PTAR1: variants seen among roughly 807,000 people sequenced by gnomAD.
The protein encoded by PTAR1 is protein prenyltransferase alpha subunit repeat-containing protein 1.
In PTAR1, 17 loss-of-function variants were observed where a neutral mutation model predicts 45.5. The observed-to-expected ratio is 0.37, with a 90% CI of 0.26 to 0.56. PTAR1 has a LOEUF of 0.56. Ranked by LOEUF, PTAR1 falls within the 20% of genes least tolerant of loss-of-function variation. The pLI is 0.77. For synonymous variants in PTAR1, 169 were observed against 171.3 expected (o/e 0.99, Z 0.11); for missense variants, 391 against 476.3 (o/e 0.82, Z 1.67).
chr9:69,739,877 T>C (rs943611446), intron 3 of PTAR1, among the ~76,000 whole-genome samples: 1 of 152,192 alleles, frequency 6.6e-6, no homozygotes, highest in African/African-American at 2.4e-5. Flanking sequence ...ATCATCTAAC[T>C]AGAACAATTT....
chr9:69,736,002 T>C (rs1386944904), intron 3 of PTAR1, among the ~76,000 whole-genome samples: 4 of 151,498 alleles, frequency 2.6e-5, no homozygotes, highest in Non-Finnish European at 4.4e-5. Context: ...GCTTTTGCAG[T>C]CTTGGATTAT....
chr9:69,721,262 T>A (rs1441620504), intron 6 of PTAR1, among the ~76,000 whole-genome samples: 1 of 152,136 alleles, frequency 6.6e-6, no homozygotes, highest in Admixed American at 6.6e-5. Context: ...AAGACTTCAG[T>A]GTAGTAAGTC....
intron 2 of PTAR1, among the ~76,000 whole-genome samples, chr9:69,742,418 G>A (rs931590347): frequency 6.6e-6 from 1 of 151,912 alleles, no homozygotes; most frequent in Non-Finnish European, 1.5e-5. Flanking sequence ...CTCCTATATT[G>A]CTAGAGTATG....
At chr9:69,744,160 G>A (rs1826166457) in intron 2 of PTAR1, among the ~76,000 whole-genome samples, 1 of 152,036 alleles carries the variant, frequency 6.6e-6, no homozygotes, top group African/African-American at 2.4e-5. Flanking sequence ...TGATCAGCTT[G>A]GCCTTCCATT....
chr9:69,753,990 C>T (rs1020745836), intron 1 of PTAR1, among the ~76,000 whole-genome samples: 17 of 152,180 alleles, frequency 1.1e-4, no homozygotes, highest in African/African-American at 2.9e-4. Context: ...AATGGAAAGC[C>T]GAGGCAAAGA....
intron 1 of PTAR1, among the ~76,000 whole-genome samples, chr9:69,755,074 T>C (rs1564149906): frequency 6.6e-6 from 1 of 152,146 alleles, no homozygotes. Flanking sequence ...TACTAATAAA[T>C]TTCACTCTTT....
Position 69,735,164 on chromosome 9 carries a change from T to C in PTAR1, c.324-910A>G, listed in dbSNP as rs145919589. 6.6e-5 allele frequency among the ~76,000 whole-genome samples: 10 copies of C among 152,316 alleles called. No homozygotes were observed. The East Asian group carries it at 1.2e-3, about 18-fold the overall frequency. Reference sequence around the variant, plus strand: ...ATAAGCAGCAGAAGTAATAGCAATGTAATGTTTTGGTTGTTTTTAAAACTG... The same window carrying C: ...ATAAGCAGCAGAAGTAATAGCAATGCAATGTTTTGGTTGTTTTTAAAACTG... On this transcript the variant is annotated intron_variant, in intron 3 of 7. Coordinates refer to ENST00000340434, the MANE Select transcript of PTAR1 (RefSeq NM_001099666.2).
chr9:69,759,260 C>T (rs535705207), intron 1 of PTAR1, among the ~76,000 whole-genome samples: 1 of 151,390 alleles, frequency 6.6e-6, no homozygotes, highest in Non-Finnish European at 1.5e-5. Flanking sequence ...AGACTCCACA[C>T]TGCGCCCACA....
chr9:69,737,788 C>T (rs1036321021), intron 3 of PTAR1, among the ~76,000 whole-genome samples: 1 of 152,046 alleles, frequency 6.6e-6, no homozygotes, highest in African/African-American at 2.4e-5. Flanking sequence ...ATCATTGAGC[C>T]ATATGAAATT....
At chr9:69,757,198 T>C (rs1371744068) in intron 1 of PTAR1, 4 of 152,238 alleles carry the variant, frequency 2.6e-5, no homozygotes, top group African/African-American at 9.6e-5. Context: ...CTGTTTACAT[T>C]ATAAACTGTT....
At position 69,713,978 on chromosome 9, in the gene PTAR1, C is replaced by A. The variant is rs1468712937; in HGVS notation, c.*4364G>T. ...TGTTTTCTTAAACATTAAATATAAT[C>A]TTGCTCCCAAAAAAGTAAGAAAGGC... On this transcript the variant is annotated 3_prime_UTR_variant, in exon 8 of 8. Transcript: ENST00000340434. 4 of 152,082 alleles carry A rather than the reference C, an allele frequency of 2.6e-5. No individual in the cohort carries two copies. The highest frequency in any genetic ancestry group is 7.2e-5 in the African/African-American group (3 of 41,430). The allele number at this position is 152,082 out of a possible 1,614,324, so 9.4% of individuals were successfully genotyped here. A position where few individuals can be genotyped will look rare whatever the true frequency, so the allele number is the denominator to read the frequency against.
intron 2 of PTAR1, among the ~76,000 whole-genome samples, chr9:69,745,611 T>C (rs896915451): frequency 2.0e-5 from 3 of 152,198 alleles, no homozygotes; most frequent in African/African-American, 7.2e-5. Context: ...GGAAGACTTA[T>C]CAAAGTAACA....
At chr9:69,723,768 G>T in intron 5 of PTAR1, 138 bp from the exon 6 acceptor site, 1 of 670,304 alleles carries the variant, frequency 1.5e-6, no homozygotes, top group Non-Finnish European at 2.5e-6. Flanking sequence ...ACAATGTCTA[G>T]CACAGTGCTC....
chr9:69,711,164 G>A lies in PTAR1; in HGVS notation c.*7178C>T, dbSNP rs1824509648. On this transcript the variant is annotated 3_prime_UTR_variant, in exon 8 of 8. Transcript: ENST00000340434. ...TTTTATTTTTTCCAACTCAAAAACAGTAAGTTAATCTAAGAATGCATTCCA... is the reference window on the plus strand; with the variant it reads ...TTTTATTTTTTCCAACTCAAAAACAATAAGTTAATCTAAGAATGCATTCCA... 1 of 151,678 alleles carries A rather than the reference G, an allele frequency of 6.6e-6. No homozygotes were observed. The highest frequency in any genetic ancestry group is 2.4e-5 in the African/African-American group (1 of 41,240). The allele number at this position is 151,678 out of a possible 1,614,324, so 9.4% of individuals were successfully genotyped here.
chr9:69,749,838 C>T (rs1057241448), intron 2 of PTAR1, among the ~76,000 whole-genome samples: 1 of 152,014 alleles, frequency 6.6e-6, no homozygotes, highest in Non-Finnish European at 1.5e-5. Flanking sequence ...TGTATTTATT[C>T]ATCTTTTTAT....
In PTAR1 at chr9:69,717,181, C is replaced by CT. The variant is rs1588438862; in HGVS notation, c.*1160dup. On this transcript the variant is annotated 3_prime_UTR_variant, in exon 8 of 8. Transcript: ENST00000340434. ...CCTTCCCTTGGCATTTGCCAGTAAA[C>CT]TTTAACAGTCACTTCATGATAATTT... 6.6e-6 allele frequency: 1 copy of CT among 152,180 alleles called. No individual in the cohort carries two copies. Among genetic ancestry groups the CT allele is most frequent in the Non-Finnish European group, 1.5e-5 (1 of 68,032 alleles). The allele number at this position is 152,180 out of a possible 1,614,324, so 9.4% of individuals were successfully genotyped here.
chr9:69,754,006 A>G (rs1003449163), intron 1 of PTAR1, among the ~76,000 whole-genome samples: 1 of 152,206 alleles, frequency 6.6e-6, no homozygotes. Flanking sequence ...AAAGAATTTA[A>G]GCCTTTGTCA....
At chr9:69,736,674 G>A (rs2134123706) in intron 3 of PTAR1, among the ~76,000 whole-genome samples, 1 of 152,168 alleles carries the variant, frequency 6.6e-6, no homozygotes, top group South Asian at 2.1e-4. Flanking sequence ...CCATATATAA[G>A]GGGAGATAAT....
chr9:69,739,778 T>C (rs1011029486), intron 3 of PTAR1, among the ~76,000 whole-genome samples: 1 of 152,208 alleles, frequency 6.6e-6, no homozygotes, highest in East Asian at 1.9e-4. Context: ...CTTACTGATA[T>C]GAATTAAAAT....
Sources: gnomAD v4.1 joint callset for allele counts (sites outside exome capture counted in the v4.1 genomes callset) on GRCh38, gnomAD v4.1.1 for gene constraint, MANE v1.5 for transcripts, NCBI Gene and HGNC (gene_info 2026-07-23, HGNC 2026-07-21) for gene names.